POLR1C: variants seen among roughly 807,000 people sequenced by gnomAD.
POLR1C encodes the protein RNA polymerase I and III subunit C, also known as DNA-directed RNA polymerases I and III subunit RPAC1.
A neutral mutation model predicts 38.3 loss-of-function variants in POLR1C; 42 were observed. The observed-to-expected ratio is 1.10, with a 90% CI of 0.86 to 1.42. The LOEUF (loss-of-function observed/expected upper bound fraction) is 1.42, where lower values mean the gene tolerates loss of function less well. Ranked by LOEUF, POLR1C falls within the 40% of genes most tolerant of loss-of-function variation. The probability of loss-of-function intolerance (pLI) is 0.00; values close to 1 mark genes in which losing one functional copy is unlikely to be tolerated. For missense variants in POLR1C, 507 were observed against 450.5 expected (o/e 1.13, Z -1.14); for synonymous variants, 163 against 163.9 (o/e 0.99, Z 0.04).
In POLR1C at chr6:43,519,442, T is replaced by C. The variant is rs781322163; in HGVS notation, c.249+2T>C. 3 of 1,602,656 alleles carry C rather than the reference T, an allele frequency of 1.9e-6. No individual in the cohort carries two copies. The highest frequency in any genetic ancestry group is 2.6e-6 in the Non-Finnish European group (3 of 1,169,560). On this transcript the variant is annotated splice_donor_variant, in intron 3 of 8. Coordinates refer to ENST00000642195, the MANE Select transcript of POLR1C (RefSeq NM_203290.4). LOFTEE classifies it high-confidence loss of function. ...TTTCGACGAATTCTGCTAGCTGAGGTATTGGCAGGCATGGTGACAAGGCTG... is the reference window on the plus strand; with the variant it reads ...TTTCGACGAATTCTGCTAGCTGAGGCATTGGCAGGCATGGTGACAAGGCTG...
At chr6:43,525,739 T>G, downstream of POLR1C, 2 of 1,229,132 alleles carry the variant, frequency 1.6e-6, no homozygotes, top group Non-Finnish European at 2.2e-6. Flanking sequence ...AACAAAGGAG[T>G]ATTACAAAAA....
intron 8 of POLR1C, chr6:43,526,983 G>C: frequency 3.9e-6 from 2 of 516,354 alleles, no homozygotes; most frequent in Non-Finnish European, 3.5e-6. Flanking sequence ...TTCTCTGAGA[G>C]TGAGTGACTA....
chr6:43,526,734 A>G lies in POLR1C; in HGVS notation c.923-2515A>G, dbSNP rs767714747. 4 of 1,613,740 alleles carry G rather than the reference A, an allele frequency of 2.5e-6. No homozygotes were observed. In the East Asian group the frequency reaches 8.9e-5, roughly 36 times the overall value. On this transcript the variant is annotated intron_variant, in intron 8 of 8. Coordinates refer to the POLR1C transcript ENST00000304004. ...TACTGTGGTCAGCACCCTTCTTTGA[A>G]ACACAGCAAACCGCTAAAGCAAGAA...
intron 8 of POLR1C, chr6:43,527,331 G>A (rs1224730139): frequency 3.9e-6 from 1 of 256,320 alleles, no homozygotes; most frequent in East Asian, 9.8e-5. Context: ...GAGTGCAGTG[G>A]CGTGATTTCG....
chr6:43,552,499 T>C (rs1339187829), intron 10 of POLR1C, among the ~76,000 whole-genome samples: 3 of 152,096 alleles, frequency 2.0e-5, no homozygotes, highest in Non-Finnish European at 2.9e-5. Flanking sequence ...ATTACAGACA[T>C]GCACCAGCAT....
downstream of POLR1C, among the ~76,000 whole-genome samples, chr6:43,530,337 T>C (rs1793888276): frequency 6.6e-6 from 1 of 151,056 alleles, no homozygotes; most frequent in African/African-American, 2.4e-5. Flanking sequence ...GGCACAAGAA[T>C]AGCTTGAACC....
chr6:43,547,914 T>C (rs1795040001), intron 9 of POLR1C, among the ~76,000 whole-genome samples: 1 of 152,188 alleles, frequency 6.6e-6, no homozygotes, highest in Admixed American at 6.5e-5. Context: ...ATTTAAGAAT[T>C]AAACAAGAAT....
intron 9 of POLR1C, chr6:43,546,684 C>T (rs542280349): frequency 2.5e-6 from 4 of 1,613,438 alleles, no homozygotes; most frequent in African/African-American, 1.3e-5. Context: ...CAGCTTTGGC[C>T]TCTTCTAGGT....
intron 9 of POLR1C, among the ~76,000 whole-genome samples, chr6:43,537,245 T>G (rs1794396725): frequency 6.6e-6 from 1 of 152,052 alleles, no homozygotes; most frequent in Admixed American, 6.6e-5. Context: ...GTGCTGAAAT[T>G]ATAGGCATGA....
intron 8 of POLR1C, 36 bp downstream of exon 8, chr6:43,521,084 C>G: frequency 1.9e-6 from 3 of 1,594,030 alleles, no homozygotes; most frequent in Non-Finnish European, 2.6e-6. Flanking sequence ...GGGCAGTGCT[C>G]TTTGGTGCTG....
At chr6:43,543,640 A>C (rs1246405535) in intron 9 of POLR1C, among the ~76,000 whole-genome samples, 1 of 151,990 alleles carries the variant, frequency 6.6e-6, no homozygotes, top group Non-Finnish European at 1.5e-5. Context: ...CCTTTTCTAC[A>C]TAAATGTTAC....
At chr6:43,530,889 C>G (rs552285767), downstream of POLR1C, 1 of 1,525,178 alleles carries the variant, frequency 6.6e-7, no homozygotes, top group South Asian at 1.3e-5. Context: ...CCAGCCCTGT[C>G]CCATGAATTT....
At chr6:43,561,405 G>T in exon 11 of POLR1C, 1 of 163,414 alleles carries the variant, frequency 6.1e-6, no homozygotes. Flanking sequence ...TTTAGATGGA[G>T]TCTCACTCTG....
intron 9 of POLR1C, among the ~76,000 whole-genome samples, chr6:43,541,529 G>A (rs1387108611): frequency 1.3e-5 from 2 of 152,106 alleles, no homozygotes; most frequent in African/African-American, 4.8e-5. Flanking sequence ...GTTCCAAAAC[G>A]TTTCCATGGC....
At chr6:43,545,538 C>A (rs908061934) in intron 9 of POLR1C, among the ~76,000 whole-genome samples, 1 of 152,058 alleles carries the variant, frequency 6.6e-6, no homozygotes, top group African/African-American at 2.4e-5. Context: ...GAAGCCCTGT[C>A]TCTACTAAAA....
At chr6:43,540,929 A>T (rs1032227969) in intron 9 of POLR1C, among the ~76,000 whole-genome samples, 1 of 152,230 alleles carries the variant, frequency 6.6e-6, no homozygotes, top group Admixed American at 6.5e-5. Flanking sequence ...ATAAAAAAAA[A>T]AAGAGATCTT....
At chr6:43,519,864 G>T (rs1793046627) in intron 4 of POLR1C, 26 bp downstream of exon 4, 1 of 1,608,904 alleles carries the variant, frequency 6.2e-7, no homozygotes, top group Non-Finnish European at 8.5e-7. Flanking sequence ...TTTGGGAGAA[G>T]TGGACTATCT....
intron 8 of POLR1C, chr6:43,528,259 A>G (rs1423544439): frequency 6.6e-6 from 10 of 1,520,708 alleles, no homozygotes; most frequent in Non-Finnish European, 7.2e-6. Context: ...ATTGGAACAC[A>G]TAATATCTAA....
At chr6:43,556,741 G>C (rs763249546) in intron 10 of POLR1C, among the ~76,000 whole-genome samples, 1 of 152,076 alleles carries the variant, frequency 6.6e-6, no homozygotes, top group African/African-American at 2.4e-5. Flanking sequence ...AGCATTATTT[G>C]TAATAGCCAA....
Sources: gnomAD v4.1 joint callset for allele counts (sites outside exome capture counted in the v4.1 genomes callset) on GRCh38, gnomAD v4.1.1 for gene constraint, MANE v1.5 for transcripts, NCBI Gene and HGNC (gene_info 2026-07-23, HGNC 2026-07-21) for gene names.